CDH2: variants seen among roughly 807,000 people sequenced by gnomAD.
The protein encoded by CDH2 is cadherin-2.
CDH2 carries 17 observed loss-of-function variants against 92.0 expected under a neutral mutation model. The ratio of observed to expected loss-of-function variants is 0.18; its 90% CI spans 0.13 to 0.28. The LOEUF (loss-of-function observed/expected upper bound fraction) is 0.28. CDH2 is among the 10% of genes least tolerant of loss of function. The probability of loss-of-function intolerance (pLI) is 1.00; values close to 1 mark genes in which losing one functional copy is unlikely to be tolerated. For missense variants in CDH2, 862 were observed against 1,133.1 expected (o/e 0.76, Z 3.44); for synonymous variants, 419 against 415.9 (o/e 1.01, Z -0.09).
chr18:28,067,433 C>T (rs1253152597), intron 2 of CDH2, among the ~76,000 whole-genome samples: 1 of 152,160 alleles, frequency 6.6e-6, no homozygotes, highest in East Asian at 1.9e-4. Context: ...AATCTACCTT[C>T]TGTCTCTATA....
chr18:27,999,393 C>G (rs887632958), intron 7 of CDH2, among the ~76,000 whole-genome samples: 21 of 152,068 alleles, frequency 1.4e-4, no homozygotes, highest in African/African-American at 5.1e-4. Flanking sequence ...ATGAAGCAAC[C>G]TGTAGAGGAA....
At chr18:28,061,651 G>A (rs984240360) in intron 2 of CDH2, among the ~76,000 whole-genome samples, 5 of 152,150 alleles carry the variant, frequency 3.3e-5, no homozygotes, top group African/African-American at 1.2e-4. Context: ...TAGCACATGA[G>A]TCTGTTCTCA....
At chr18:28,047,710 TA>T (rs965489990) in intron 2 of CDH2, among the ~76,000 whole-genome samples, 7 of 149,128 alleles carry the variant, frequency 4.7e-5, no homozygotes, top group African/African-American at 1.2e-4. Flanking sequence ...CTACTAAACA[TA>T]AAAAAAAATT....
intron 2 of CDH2, among the ~76,000 whole-genome samples, chr18:28,027,240 C>T (rs772867075): frequency 6.6e-6 from 1 of 151,554 alleles, no homozygotes; most frequent in Non-Finnish European, 1.5e-5. Context: ...TGACCTACAA[C>T]AAGACAGTAA....
At chr18:28,023,754 AC>A (rs2013473359) in intron 2 of CDH2, among the ~76,000 whole-genome samples, 1 of 152,196 alleles carries the variant, frequency 6.6e-6, no homozygotes, top group African/African-American at 2.4e-5. Flanking sequence ...TAGCAATTAT[AC>A]TAATGTCTTA....
intron 7 of CDH2, among the ~76,000 whole-genome samples, chr18:27,997,817 T>C (rs1276421329): frequency 6.6e-6 from 1 of 152,142 alleles, no homozygotes; most frequent in Non-Finnish European, 1.5e-5. Flanking sequence ...CAAATTCTTT[T>C]TTTTTTTGAG....
At chr18:28,043,461 A>AATATATATATATATATATATAT (rs1158754890) in intron 2 of CDH2, among the ~76,000 whole-genome samples, 73 of 71,896 alleles carry the variant, frequency 1.0e-3, no homozygotes, top group Non-Finnish European at 1.3e-3. Flanking sequence ...GATATAAATA[A>AATATATATATATATATATATAT]ATATATATAT....
At chr18:28,076,552 AAAT>A (rs1429510735) in intron 2 of CDH2, among the ~76,000 whole-genome samples, 3 of 151,712 alleles carry the variant, frequency 2.0e-5, no homozygotes, top group Non-Finnish European at 4.4e-5. Flanking sequence ...TCCTTTTTTT[AAAT>A]TATACTTTAA....
At chr18:27,940,996 C>T (rs1021242611) in intron 6 of CDH2, among the ~76,000 whole-genome samples, 6 of 148,744 alleles carry the variant, frequency 4.0e-5, no homozygotes, top group South Asian at 2.1e-4. Context: ...AGGAGAGATA[C>T]ATACATACAT....
At chr18:28,155,530 A>AG (rs1598514423) in intron 1 of CDH2, among the ~76,000 whole-genome samples, 1 of 152,228 alleles carries the variant, frequency 6.6e-6, no homozygotes, top group East Asian at 1.9e-4. Flanking sequence ...CAAGGACAAA[A>AG]GATGCACAAG....
chr18:28,060,726 T>G (rs1041074208), intron 2 of CDH2, among the ~76,000 whole-genome samples: 1 of 152,218 alleles, frequency 6.6e-6, no homozygotes, highest in Non-Finnish European at 1.5e-5. Flanking sequence ...AGTAATCTTG[T>G]AAGATAACAT....
intron 11 of CDH2, among the ~76,000 whole-genome samples, chr18:27,987,966 C>T (rs2012289419): frequency 6.6e-6 from 1 of 151,966 alleles, no homozygotes; most frequent in African/African-American, 2.4e-5. Flanking sequence ...CTTTATATTA[C>T]ATATCTGAAA....
chr18:28,069,222 C>A (rs1465189335), intron 2 of CDH2, among the ~76,000 whole-genome samples: 3 of 152,154 alleles, frequency 2.0e-5, no homozygotes, highest in Non-Finnish European at 4.4e-5. Flanking sequence ...GAAATGTGAT[C>A]ACACTAATGC....
chr18:28,004,182 AT>A (rs976542045), intron 6 of CDH2, among the ~76,000 whole-genome samples: 12 of 152,074 alleles, frequency 7.9e-5, no homozygotes, highest in African/African-American at 2.9e-4. Flanking sequence ...CCTTGTTTGC[AT>A]GTTTTTTATT....
intron 15 of CDH2, among the ~76,000 whole-genome samples, chr18:27,961,772 A>C (rs1049321411): frequency 6.6e-6 from 1 of 152,146 alleles, no homozygotes; most frequent in Non-Finnish European, 1.5e-5. Context: ...AGGATTTGTT[A>C]AATTATACTT....
intron 2 of CDH2, among the ~76,000 whole-genome samples, chr18:28,050,785 C>A (rs1599063121): frequency 6.6e-6 from 1 of 152,148 alleles, no homozygotes; most frequent in African/African-American, 2.4e-5. Flanking sequence ...TCTGGGGATG[C>A]CTGAAAGCTC....
At chr18:28,110,610 T>C (rs1403219118) in intron 2 of CDH2, among the ~76,000 whole-genome samples, 1 of 152,136 alleles carries the variant, frequency 6.6e-6, no homozygotes, top group African/African-American at 2.4e-5. Context: ...AGAAGTGGGA[T>C]CATGAATATA....
intron 2 of CDH2, among the ~76,000 whole-genome samples, chr18:28,089,600 A>C (rs983055466): frequency 3.9e-5 from 6 of 152,242 alleles, no homozygotes; most frequent in African/African-American, 1.4e-4. Context: ...TAAGTAATTT[A>C]AAGCAATTTC....
chr18:27,988,500 T>C lies in CDH2; in HGVS notation c.1741+24A>G, dbSNP rs528134198. ...GAGGATCTACTGTCTTTCATCAACA[T>C]ACAAGAAAAAACAGCGAACATACCA... is the stretch of plus-strand genomic sequence containing the variant. On this transcript the variant is annotated intron_variant, in intron 11 of 15. Coordinates refer to ENST00000269141, the MANE Select transcript of CDH2 (RefSeq NM_001792.5). 1.0e-5 allele frequency: 16 copies of C among 1,604,142 alleles called. No homozygotes were observed. The South Asian group carries it at 1.1e-4, about 11-fold the overall frequency.
Sources: gnomAD v4.1 joint callset for allele counts (sites outside exome capture counted in the v4.1 genomes callset) on GRCh38, gnomAD v4.1.1 for gene constraint, MANE v1.5 for transcripts, NCBI Gene and HGNC (gene_info 2026-07-23, HGNC 2026-07-21) for gene names.